The following TLE1 variants were observed in gnomAD, a reference collection of about 807,000 sequenced individuals.
TLE1 encodes transducin-like enhancer protein 1.
Under a neutral mutation model 89.8 loss-of-function variants are expected in TLE1, and 21 were observed. That is an observed-to-expected ratio of 0.23 (90% CI 0.17 to 0.34). TLE1 has a LOEUF of 0.34. Among genes scored for constraint, TLE1 ranks in the 10% least tolerant of loss-of-function variants. The pLI, the probability that TLE1 is intolerant of heterozygous loss-of-function variation, is 1.00. For synonymous variants in TLE1, 447 were observed against 407.6 expected (o/e 1.10, Z -1.16); for missense variants, 795 against 1,031.2 (o/e 0.77, Z 3.14).
In TLE1 at chr9:81,591,044, G is replaced by A. The variant is rs1205063165; in HGVS notation, c.1590C>T (p.Asp530=). ...PVSQLDCLNR[D]NYIRSCKLLP... Reference sequence around the variant, plus strand: ...GCAATTTACAGGAACGGATATAATTGTCTCTGTTCTGTAGAATAAACATAA... The same window carrying A: ...GCAATTTACAGGAACGGATATAATTATCTCTGTTCTGTAGAATAAACATAA... Residue 530 remains aspartate, a synonymous_variant, in exon 16 of 20, where the codon GAC becomes GAT. Coordinates refer to ENST00000376499, the MANE Select transcript of TLE1 (RefSeq NM_005077.5). The A allele has an allele frequency of 1.2e-6, 2 of 1,613,446 alleles. No individual in the cohort carries two copies. The highest frequency in any genetic ancestry group is 1.7e-5 in the Admixed American group (1 of 60,006).
intron 14 of TLE1, among the ~76,000 whole-genome samples, chr9:81,608,603 CA>C (rs1823281319): frequency 6.6e-6 from 1 of 152,100 alleles, no homozygotes; most frequent in Non-Finnish European, 1.5e-5. Context: ...ATGACAAAAA[CA>C]AACTGAAGGC....
chr9:81,622,084 C>A (rs1231831993), intron 8 of TLE1, among the ~76,000 whole-genome samples: 1 of 152,216 alleles, frequency 6.6e-6, no homozygotes, highest in African/African-American at 2.4e-5. Context: ...CCCAGACCCC[C>A]AGCTGACAAG....
chr9:81,643,125 G>C (rs537821740), intron 6 of TLE1, among the ~76,000 whole-genome samples: 1 of 152,292 alleles, frequency 6.6e-6, no homozygotes, highest in African/African-American at 2.4e-5. Context: ...AGTTACCCAA[G>C]ATAAAGAAGA....
chr9:81,633,464 CCAAA>C (rs1214325493), intron 7 of TLE1, 100 bp from the exon 8 acceptor site: 31 of 1,572,720 alleles, frequency 2.0e-5, no homozygotes, highest in East Asian at 6.8e-5. Flanking sequence ...AACACAAGCC[CCAAA>C]CAGTTTTAAA....
intron 14 of TLE1, chr9:81,600,074 A>G (rs1249081957): frequency 2.7e-6 from 2 of 737,712 alleles, no homozygotes; most frequent in Non-Finnish European, 2.5e-6. Context: ...TATCAATTAC[A>G]CGTTTCCAAA....
At chr9:81,661,410 A>G (rs1368419906) in intron 4 of TLE1, among the ~76,000 whole-genome samples, 1 of 152,022 alleles carries the variant, frequency 6.6e-6, no homozygotes, top group Admixed American at 6.6e-5. Context: ...GAAGCTCAAA[A>G]CAGGGTGAGG....
At chr9:81,615,544 C>CA (rs530072232) in intron 11 of TLE1, among the ~76,000 whole-genome samples, 20,849 of 101,038 alleles carry the variant, frequency 0.21, 3,752 homozygotes, top group East Asian at 0.53. Context: ...ACTAAAAATA[C>CA]AAAAAAAAAA....
At chr9:81,668,740 T>C (rs1456743118) in intron 4 of TLE1, among the ~76,000 whole-genome samples, 1 of 152,216 alleles carries the variant, frequency 6.6e-6, no homozygotes, top group African/African-American at 2.4e-5. Context: ...TGCTCAGTCA[T>C]GTCAATTTAT....
Position 81,652,108 on chromosome 9 carries a change from C to CAT in TLE1, c.372+105_372+106insAT, listed in dbSNP as rs1427145581. The CAT allele has an allele frequency of 3.2e-5, 14 of 439,474 alleles. No individual in the cohort carries two copies. In the East Asian group the frequency reaches 5.6e-4, roughly 18 times the overall value. 27.2% of individuals were successfully genotyped at this position (439,474 alleles called of 1,614,324 possible). The stretch of plus-strand genomic sequence containing the variant: ...TATCAAATAGGTCAACGTTAAGATA[C>CAT]ACACACACACACACACACACACACA... On this transcript the variant is annotated intron_variant, in intron 6 of 19. Coordinates refer to ENST00000376499, the MANE Select transcript of TLE1 (RefSeq NM_005077.5).
intron 4 of TLE1, among the ~76,000 whole-genome samples, chr9:81,656,128 G>A (rs117118923): frequency 2.6e-4 from 40 of 152,212 alleles, no homozygotes; most frequent in Non-Finnish European, 5.7e-4. Flanking sequence ...TTTAGCCAGC[G>A]AGGCAGATAT....
At chr9:81,603,412 G>T (rs1477353135) in intron 14 of TLE1, among the ~76,000 whole-genome samples, 1 of 152,048 alleles carries the variant, frequency 6.6e-6, no homozygotes, top group Non-Finnish European at 1.5e-5. Flanking sequence ...CTTGAGAAAT[G>T]AGAGATCCAG....
At chr9:81,678,434 G>A (rs1335829620) in intron 4 of TLE1, among the ~76,000 whole-genome samples, 1 of 152,092 alleles carries the variant, frequency 6.6e-6, no homozygotes, top group Non-Finnish European at 1.5e-5. Flanking sequence ...TGGCCAGGCT[G>A]GTCTCTAACT....
intron 4 of TLE1, among the ~76,000 whole-genome samples, chr9:81,673,508 G>A (rs1479761420): frequency 1.3e-5 from 2 of 152,050 alleles, no homozygotes; most frequent in Non-Finnish European, 2.9e-5. Flanking sequence ...CTGCTATTTA[G>A]ATCACAGCTA....
rs201947638 is a variant in TLE1 at position 81,625,595 on chromosome 9, CAT to C, written c.595-5040_595-5039del. On this transcript the variant is annotated intron_variant, in intron 8 of 19. Transcript: ENST00000376499. ...ACATTCCAACACAATTATGAAACCA[CAT>C]ACCTTCATGTAAGAACTTACAATGT... 6.3e-3 allele frequency among the ~76,000 whole-genome samples: 213 copies of C among 33,722 alleles called. 1 individual carries two copies. Among genetic ancestry groups the C allele is most frequent in the African/African-American group, 0.031 (200 of 6,554 alleles). 22.1% of individuals were successfully genotyped at this position (33,722 alleles called of 152,430 possible). A position where few individuals can be genotyped will look rare whatever the true frequency, so the allele number is the denominator to read the frequency against.
At chr9:81,644,180 G>C (rs979278485) in intron 6 of TLE1, among the ~76,000 whole-genome samples, 1 of 152,124 alleles carries the variant, frequency 6.6e-6, no homozygotes, top group African/African-American at 2.4e-5. Context: ...AAAACAGTCT[G>C]GCTGTTGCTC....
rs550067985 is a variant in TLE1 at position 81,593,999 on chromosome 9, A to G, written c.1332-725T>C. On this transcript the variant is annotated intron_variant, in intron 14 of 19. Transcript: ENST00000376499. ...ATGTTCTGACCAATGAGGTGTAAGA[A>G]GAAGCTGTTGGATGGCATTTTGAGG... 2.0e-5 allele frequency among the ~76,000 whole-genome samples: 3 copies of G among 152,310 alleles called. No homozygotes were observed. The South Asian group carries it at 6.2e-4, about 32-fold the overall frequency.
At chr9:81,620,190 CAA>C (rs1016378555) in intron 9 of TLE1, among the ~76,000 whole-genome samples, 4 of 152,156 alleles carry the variant, frequency 2.6e-5, no homozygotes, top group African/African-American at 9.7e-5. Context: ...GCACAGCCCA[CAA>C]AGTCAGCCCT....
chr9:81,628,914 T>C (rs1826229086), intron 8 of TLE1, among the ~76,000 whole-genome samples: 1 of 152,176 alleles, frequency 6.6e-6, no homozygotes, highest in Non-Finnish European at 1.5e-5. Flanking sequence ...CCCAGAATTC[T>C]GCAAAAGAGC....
chr9:81,685,614 C>CAGT, intron 4 of TLE1, 62 bp downstream of exon 4: 1 of 1,559,490 alleles, frequency 6.4e-7, no homozygotes, highest in Non-Finnish European at 8.8e-7. Context: ...AGAACAAAGC[C>CAGT]AGTATTATTA....
Sources: allele counts gnomAD v4.1 joint callset (sites outside exome capture counted in the v4.1 genomes callset), GRCh38; gene constraint gnomAD v4.1.1; transcripts MANE v1.5; gene names NCBI Gene and HGNC (gene_info 2026-07-23, HGNC 2026-07-21).